The following TTC28 variants were observed in gnomAD, a reference collection of about 807,000 sequenced individuals.
TTC28 encodes tetratricopeptide repeat protein 28.
Under a neutral mutation model 198.0 loss-of-function variants are expected in TTC28, and 61 were observed. The observed-to-expected ratio is 0.31, with a 90% CI of 0.25 to 0.38. The LOEUF is 0.38. TTC28 is among the 10% of genes least tolerant of loss of function. The pLI, the probability that TTC28 is intolerant of heterozygous loss-of-function variation, is 1.00. For missense variants in TTC28, 2,678 were observed against 3,164.0 expected, an observed-to-expected ratio of 0.85 and a Z score of 3.69; for synonymous variants, 1,171 against 1,297.8, an observed-to-expected ratio of 0.90 and a Z score of 2.10.
chr22:28,193,110 C>A (rs989065722), intron 5 of TTC28, among the ~76,000 whole-genome samples: 19 of 152,160 alleles, frequency 1.2e-4, no homozygotes, highest in African/African-American at 4.3e-4. Flanking sequence ...ACTCTACAAG[C>A]CAGAAAAGAG....
chr22:28,198,996 C>T (rs1471248798), intron 5 of TTC28, among the ~76,000 whole-genome samples: 1 of 152,084 alleles, frequency 6.6e-6, no homozygotes, highest in Non-Finnish European at 1.5e-5. Flanking sequence ...ACCAATAGTT[C>T]AGTCCCTGTC....
chr22:28,279,967 A>C (rs534401897), intron 5 of TTC28, among the ~76,000 whole-genome samples: 1 of 152,324 alleles, frequency 6.6e-6, no homozygotes, highest in East Asian at 1.9e-4. Flanking sequence ...TTTAAAATAC[A>C]CAGTTTTTAC....
chr22:28,422,163 A>G (rs2047265127), intron 2 of TTC28, among the ~76,000 whole-genome samples: 1 of 152,194 alleles, frequency 6.6e-6, no homozygotes, highest in Non-Finnish European at 1.5e-5. Flanking sequence ...ACACAATAAA[A>G]GCAACAGTGT....
intron 12 of TTC28, among the ~76,000 whole-genome samples, chr22:28,031,167 T>C (rs899586028): frequency 1.3e-5 from 2 of 152,210 alleles, no homozygotes; most frequent in Non-Finnish European, 2.9e-5. Context: ...TGTGCCCTGA[T>C]GACACACGGA....
chr22:28,474,755 T>C (rs2048139439), intron 2 of TTC28, among the ~76,000 whole-genome samples: 1 of 152,234 alleles, frequency 6.6e-6, no homozygotes, highest in South Asian at 2.1e-4. Context: ...CAATTGGCCC[T>C]GCCCTTGCTC....
chr22:28,224,673 G>A (rs1444014124), intron 5 of TTC28, among the ~76,000 whole-genome samples: 1 of 152,140 alleles, frequency 6.6e-6, no homozygotes, highest in Non-Finnish European at 1.5e-5. Context: ...TGGGCTGGTG[G>A]AGGGGGTCAT....
intron 2 of TTC28, among the ~76,000 whole-genome samples, chr22:28,396,473 G>A (rs940629853): frequency 4.6e-5 from 7 of 152,302 alleles, no homozygotes; most frequent in South Asian, 2.1e-4. Context: ...CAGCAGCCCA[G>A]ATCATTTCCT....
At chr22:28,439,630 A>G (rs1215108037) in intron 2 of TTC28, among the ~76,000 whole-genome samples, 1 of 152,212 alleles carries the variant, frequency 6.6e-6, no homozygotes, top group Non-Finnish European at 1.5e-5. Flanking sequence ...AAATTATAAC[A>G]CCTACCACCT....
intron 5 of TTC28, among the ~76,000 whole-genome samples, chr22:28,197,023 A>G (rs1925418953): frequency 6.6e-6 from 1 of 152,086 alleles, no homozygotes; most frequent in South Asian, 2.1e-4. Flanking sequence ...AACCAACCCA[A>G]ATGTCCAACA....
chr22:28,332,769 T>A (rs966093637), intron 2 of TTC28, among the ~76,000 whole-genome samples: 1 of 152,106 alleles, frequency 6.6e-6, no homozygotes, highest in African/African-American at 2.4e-5. Context: ...TTGCAAGATA[T>A]CTTTTTTATT....
At chr22:28,598,525 A>AAAAAG (rs2050580775) in intron 2 of TTC28, among the ~76,000 whole-genome samples, 3 of 151,390 alleles carry the variant, frequency 2.0e-5, no homozygotes, top group African/African-American at 7.3e-5. Context: ...AAAAAAAAAA[A>AAAAAG]AAAAAAAAAG....
At chr22:28,674,348 T>C (rs558800033) in intron 1 of TTC28, among the ~76,000 whole-genome samples, 57 of 151,896 alleles carry the variant, frequency 3.8e-4, no homozygotes, top group African/African-American at 1.3e-3. Flanking sequence ...GTTTTTTGTT[T>C]TGTGGCTCAC....
At chr22:28,032,120 A>G (rs1458443538) in intron 12 of TTC28, among the ~76,000 whole-genome samples, 1 of 146,412 alleles carries the variant, frequency 6.8e-6, no homozygotes, top group African/African-American at 2.5e-5. Flanking sequence ...TTATAAAAAT[A>G]AATAAATAAA....
rs1443047858 is a variant in TTC28, at chr22:28,005,676, A to G, written c.4219-4123T>C. On this transcript the variant is annotated intron_variant, in intron 14 of 22. Transcript: ENST00000397906. This position sits in a 1 kb window ranked among gnomAD's most constrained non-coding sequence, Gnocchi z 4.9. ...ACCTTGCAGTCTCGGCCTGGTGATA[A>G]TCTTCCCTCACTCCCAAGGCCTCCT... Among the ~76,000 whole-genome samples the G allele has an allele frequency of 6.6e-6, 1 of 152,040 alleles. No individual in the cohort carries two copies. The highest frequency in any genetic ancestry group is 2.4e-5 in the African/African-American group (1 of 41,400).
chr22:28,207,840 T>C (rs1185946398), intron 5 of TTC28, among the ~76,000 whole-genome samples: 2 of 152,058 alleles, frequency 1.3e-5, no homozygotes, highest in Non-Finnish European at 2.9e-5. Flanking sequence ...ACATAGACTG[T>C]AAATGTTAAG....
chr22:28,581,034 G>C (rs766168407), intron 2 of TTC28, among the ~76,000 whole-genome samples: 2 of 151,874 alleles, frequency 1.3e-5, no homozygotes, highest in African/African-American at 2.4e-5. Flanking sequence ...ATCCAATATG[G>C]TTTGGATTTG....
At chr22:28,142,504 A>G (rs1351085979) in intron 6 of TTC28, among the ~76,000 whole-genome samples, 1 of 152,186 alleles carries the variant, frequency 6.6e-6, no homozygotes, top group Non-Finnish European at 1.5e-5. Context: ...ATGACTTGTA[A>G]ACCACAGACA....
At chr22:27,988,172 A>G (rs909693830) in intron 21 of TTC28, among the ~76,000 whole-genome samples, 3 of 152,146 alleles carry the variant, frequency 2.0e-5, no homozygotes, top group African/African-American at 7.2e-5. Context: ...TACCTTCACA[A>G]TACACGACGT....
chr22:28,553,687 C>G (rs1469310335), intron 2 of TTC28, among the ~76,000 whole-genome samples: 1 of 152,000 alleles, frequency 6.6e-6, no homozygotes, highest in Non-Finnish European at 1.5e-5. Flanking sequence ...CCAGCCGCCC[C>G]GTCCGGGAGG....
Sources: allele counts gnomAD v4.1 joint callset (sites outside exome capture counted in the v4.1 genomes callset), GRCh38; gene constraint gnomAD v4.1.1; non-coding constraint Gnocchi (gnomAD v3.1); transcripts MANE v1.5; gene names NCBI Gene and HGNC (gene_info 2026-07-23, HGNC 2026-07-21).